Variants in HEATR5A observed in about 807,000 individuals in gnomAD.
The protein encoded by HEATR5A is HEAT repeat-containing protein 5A.
In HEATR5A, 178 loss-of-function variants were observed where a neutral mutation model predicts 218.8. The ratio of observed to expected loss-of-function variants is 0.81; its 90% CI spans 0.72 to 0.92. The LOEUF is 0.92. HEATR5A is among the 40% of genes least tolerant of loss of function. HEATR5A has a pLI of 0.00. For missense variants in HEATR5A, 2,420 were observed against 2,418.9 expected, an observed-to-expected ratio of 1.00 and a Z score of -0.01; for synonymous variants, 864 against 871.6, an observed-to-expected ratio of 0.99 and a Z score of 0.15.
chr14:31,321,506 T>A lies in HEATR5A; in HGVS notation c.3962A>T (p.Gln1321Leu), dbSNP rs1339964771. 6.3e-7 allele frequency: 1 copy of A among 1,589,984 alleles called. No homozygotes were observed. The highest frequency in any genetic ancestry group is 1.1e-5 in the South Asian group (1 of 87,350). Reference sequence around the variant, plus strand: ...CTAAAAGAAAGTGCTTACATTGGCTTGATACTGTTCCAGAATCACATGACC... The same window carrying A: ...CTAAAAGAAAGTGCTTACATTGGCTAGATACTGTTCCAGAATCACATGACC... The part of the protein sequence containing the change: ...FPGHVILEQY[Q>L]ANVGAALRPA... Residue 1321 changes from glutamine (Q) to leucine (L), a missense_variant, in exon 25 of 36, where the codon CAA becomes CTA. Physicochemically the swap from Gln to Leu is moderately radical, Grantham distance 113. Transcript: ENST00000543095.
chr14:31,343,750 C>A (rs1016475378), intron 21 of HEATR5A, 146 bp downstream of exon 21: 17 of 561,778 alleles, frequency 3.0e-5, no homozygotes, highest in Non-Finnish European at 4.5e-5. Context: ...CCCCTACTCC[C>A]GAAAAAGACT....
intron 17 of HEATR5A, 51 bp from the exon 18 acceptor site, chr14:31,350,030 A>G: frequency 7.9e-7 from 1 of 1,270,770 alleles, no homozygotes; most frequent in East Asian, 2.6e-5. Context: ...AAATTCTCAT[A>G]TCCAGTTAGG....
At chr14:31,323,119 A>G (rs1900162025) in intron 24 of HEATR5A, among the ~76,000 whole-genome samples, 1 of 152,192 alleles carries the variant, frequency 6.6e-6, no homozygotes, top group Non-Finnish European at 1.5e-5. Context: ...ATTTCCCAAG[A>G]ACCAATTATT....
chr14:31,386,308 AT>A (rs1399119507), intron 9 of HEATR5A, 111 bp downstream of exon 9: 10 of 753,102 alleles, frequency 1.3e-5, no homozygotes, highest in African/African-American at 1.8e-5. Flanking sequence ...TTCATAAAAC[AT>A]TTCTCATAAA....
At chr14:31,405,059 C>CAAA (rs386381028) in intron 1 of HEATR5A, among the ~76,000 whole-genome samples, 5,360 of 97,328 alleles carry the variant, frequency 0.055, 506 homozygotes, top group African/African-American at 0.12. Flanking sequence ...CTGTCTCCAC[C>CAAA]AAAAAAAAAA....
chr14:31,407,370 C>T (rs1351271654), intron 1 of HEATR5A, among the ~76,000 whole-genome samples: 1 of 152,076 alleles, frequency 6.6e-6, no homozygotes, highest in African/African-American at 2.4e-5. Context: ...GTGTAATAAA[C>T]TTGGGAATCT....
chr14:31,395,648 C>T (rs1434315334), intron 4 of HEATR5A, among the ~76,000 whole-genome samples: 2 of 152,136 alleles, frequency 1.3e-5, no homozygotes, highest in East Asian at 1.9e-4. Flanking sequence ...TAAATAGTTG[C>T]TATAGTCTAA....
chr14:31,327,873 C>T (rs1251055686), intron 22 of HEATR5A, among the ~76,000 whole-genome samples: 1 of 152,192 alleles, frequency 6.6e-6, no homozygotes, highest in African/African-American at 2.4e-5. Context: ...AGGACAAATA[C>T]ATTTTCTCTT....
intron 14 of HEATR5A, 123 bp downstream of exon 14, chr14:31,364,066 A>T: frequency 1.8e-6 from 1 of 545,274 alleles, no homozygotes; most frequent in Non-Finnish European, 3.3e-6. Context: ...TAAACCTCCT[A>T]GAAACAAGGC....
intron 9 of HEATR5A, among the ~76,000 whole-genome samples, chr14:31,386,208 G>C (rs554970154): frequency 2.0e-5 from 3 of 152,208 alleles, no homozygotes; most frequent in Admixed American, 2.0e-4. Context: ...TCTAAATGGG[G>C]GGTAGGGTGC....
Position 31,349,927 on chromosome 14 carries a change from G to A in HEATR5A, c.2570C>T (p.Ala857Val). 6.2e-7 allele frequency: 1 copy of A among 1,608,204 alleles called. No homozygotes were observed. The highest frequency in any genetic ancestry group is 1.1e-5 in the South Asian group (1 of 90,090). Reference sequence around the variant, plus strand: ...TAGGGCTCCCATAACTAATGTTAAGGCAAATCTTTTCATTTCTTCTGGACC... The same window carrying A: ...TAGGGCTCCCATAACTAATGTTAAGACAAATCTTTTCATTTCTTCTGGACC... ...CLGPEEMKRF[A>V]LTLVMGALES... The change falls in exon 18 of 36, where the codon GCC (alanine) becomes GTC (valine). Residue 857 changes from alanine to valine, a missense_variant. Coordinates refer to ENST00000543095, the MANE Select transcript of HEATR5A (RefSeq NM_015473.4).
chr14:31,371,147 C>A (rs992818630), intron 13 of HEATR5A, among the ~76,000 whole-genome samples: 1 of 152,154 alleles, frequency 6.6e-6, no homozygotes, highest in Admixed American at 6.5e-5. Flanking sequence ...TTTTGAGCTA[C>A]GATGAGAGAG....
intron 14 of HEATR5A, among the ~76,000 whole-genome samples, chr14:31,363,384 T>C (rs1595139162): frequency 2.0e-5 from 3 of 152,320 alleles, no homozygotes; most frequent in Middle Eastern, 6.8e-3. Flanking sequence ...TTACTAGATA[T>C]CTAGCAAGTA....
At chr14:31,311,700 A>C (rs1595085049) in intron 28 of HEATR5A, among the ~76,000 whole-genome samples, 1 of 152,198 alleles carries the variant, frequency 6.6e-6, no homozygotes, top group African/African-American at 2.4e-5. Flanking sequence ...AGATTAAACA[A>C]TCAGGAAGAA....
chr14:31,388,734 T>G (rs1038814044), intron 7 of HEATR5A, 111 bp downstream of exon 7: 15 of 768,604 alleles, frequency 2.0e-5, no homozygotes, highest in East Asian at 1.2e-4. Context: ...TTTATAGATA[T>G]GAGAGCATAA....
At position 31,337,596 on chromosome 14, in the gene HEATR5A, A is replaced by G; in HGVS notation, c.3247T>C (p.Tyr1083His). 6.2e-7 allele frequency: 1 copy of G among 1,601,076 alleles called. No individual in the cohort carries two copies. Among genetic ancestry groups the G allele is most frequent in the Non-Finnish European group, 8.5e-7 (1 of 1,173,870 alleles). Residue 1083 changes from tyrosine to histidine, a missense_variant, in exon 22 of 36, where the codon TAC (tyrosine) becomes CAC (histidine). Transcript: ENST00000543095. ...SCLCVNLCSP[Y>H]LLLRRAVLAC... ...AGTACTGCTCTTCTCAGTAACAAGT[A>G]GGGGCTACAAAGATTCACCTGAAAA...
rs1287401328 is a variant in HEATR5A, at chr14:31,403,068, ATG to A, written c.-74-21_-74-20del. 12 of 1,178,096 alleles carry A rather than the reference ATG, an allele frequency of 1.0e-5. No individual in the cohort carries two copies. The African/African-American group carries it at 1.7e-4, about 17-fold the overall frequency. 73.0% of individuals were successfully genotyped at this position (1,178,096 alleles called of 1,614,324 possible). A position where few individuals can be genotyped will look rare whatever the true frequency, so the allele number is the denominator to read the frequency against. ...TAAAAATCTGCAATACAGGAAAATA[ATG>A]TATTTTAAAAGGGGGGTAAAAAGGA... is the stretch of plus-strand genomic sequence containing the variant. On this transcript the variant is annotated intron_variant, in intron 1 of 35. Coordinates refer to ENST00000543095, the MANE Select transcript of HEATR5A (RefSeq NM_015473.4).
At chr14:31,312,490 G>C (rs999648475) in intron 28 of HEATR5A, among the ~76,000 whole-genome samples, 2 of 150,620 alleles carry the variant, frequency 1.3e-5, no homozygotes, top group African/African-American at 2.4e-5. Flanking sequence ...TCAGCTCACT[G>C]CAACTTCAGC....
rs545295962 is a variant in HEATR5A, at chr14:31,336,200, T to A, written c.3367+1276A>T. 1.5e-4 allele frequency among the ~76,000 whole-genome samples: 17 copies of A among 112,272 alleles called. No homozygotes were observed. In the East Asian group the frequency reaches 4.4e-3, roughly 29 times the overall value. 73.7% of individuals were successfully genotyped at this position (112,272 alleles called of 152,430 possible). ...TGCCATATTGCGCAGGGGGTTATTT[T>A]TATATATACATACATACATATATAT... On this transcript the variant is annotated intron_variant, in intron 22 of 35. Transcript: ENST00000543095.
Sources: allele counts gnomAD v4.1 joint callset (sites outside exome capture counted in the v4.1 genomes callset), GRCh38; gene constraint gnomAD v4.1.1; transcripts MANE v1.5; gene names NCBI Gene and HGNC (gene_info 2026-07-23, HGNC 2026-07-21).